Variants in C2CD3 observed in about 807,000 individuals in gnomAD.
C2CD3 encodes the protein C2 domain-containing protein 3.
A neutral mutation model predicts 234.0 loss-of-function variants in C2CD3; 148 were observed. The ratio of observed to expected loss-of-function variants is 0.63; its 90% confidence interval spans 0.55 to 0.72. The LOEUF is 0.72. Among genes scored for constraint, C2CD3 ranks in the 30% least tolerant of loss-of-function variants. C2CD3 has a pLI of 0.00. For synonymous variants in C2CD3, 1,000 were observed against 1,035.4 expected (o/e 0.97, Z 0.66); for missense variants, 2,577 against 2,811.5 (o/e 0.92, Z 1.89).
Position 74,074,616 on chromosome 11 carries a change from G to A in C2CD3, c.4604-16C>T. 6.3e-7 allele frequency: 1 copy of A among 1,588,406 alleles called. No homozygotes were observed. The highest frequency in any genetic ancestry group is 8.6e-7 in the Non-Finnish European group (1 of 1,164,596). On this transcript the variant is annotated splice_polypyrimidine_tract_variant and intron_variant, in intron 23 of 32. Transcript: ENST00000334126. ...GGATACACACCTAAAAGAAGATGGA[G>A]AAGAATAAGGCTAGTCAAGCAGGAA...
chr11:74,042,837 G>A (rs564906586), intron 28 of C2CD3, among the ~76,000 whole-genome samples: 69 of 151,986 alleles, frequency 4.5e-4, no homozygotes, highest in Non-Finnish European at 7.4e-4. Context: ...TATATTTGGC[G>A]TCCTTATTAT....
intron 3 of C2CD3, among the ~76,000 whole-genome samples, chr11:74,143,342 T>A (rs1854935516): frequency 6.6e-6 from 1 of 152,006 alleles, no homozygotes; most frequent in Non-Finnish European, 1.5e-5. Context: ...AGTCAACTAT[T>A]TAACAATGCT....
chr11:74,103,351 G>C lies in C2CD3; in HGVS notation c.2360C>G (p.Ser787Cys), dbSNP rs145859522. The change falls in exon 14 of 33, where the codon TCC becomes TGC. Residue 787 changes from serine to cysteine, a missense_variant. Coordinates refer to ENST00000334126, the MANE Select transcript of C2CD3 (RefSeq NM_001286577.2). ...HPSTFVATPA[S>C]HNLVNQTNGT... is the part of the protein sequence containing the mutation. The stretch of plus-strand genomic sequence containing the variant: ...ATTTGTCTGATTGACTAAATTATGG[G>C]AGGCTGGCGTAGCTACGAAGGTTGA... 8.1e-6 allele frequency: 13 copies of C among 1,614,092 alleles called. No individual in the cohort carries two copies. Among genetic ancestry groups the C allele is most frequent in the Non-Finnish European group, 9.3e-6 (11 of 1,180,054 alleles).
At chr11:74,047,836 T>C (rs1181447732) in intron 28 of C2CD3, among the ~76,000 whole-genome samples, 3 of 152,224 alleles carry the variant, frequency 2.0e-5, no homozygotes, top group Non-Finnish European at 4.4e-5. Flanking sequence ...GCTGGCTTGG[T>C]GAAAAGGATG....
At chr11:74,040,320 C>A (rs894632007) in intron 29 of C2CD3, among the ~76,000 whole-genome samples, 6 of 152,178 alleles carry the variant, frequency 3.9e-5, no homozygotes, top group African/African-American at 1.4e-4. Flanking sequence ...TGGTCTTCCA[C>A]AAAACCAGTG....
chr11:74,122,781 T>A (rs1401510183), intron 8 of C2CD3, among the ~76,000 whole-genome samples: 1 of 152,228 alleles, frequency 6.6e-6, no homozygotes, highest in East Asian at 1.9e-4. Flanking sequence ...CTAATACTTA[T>A]TTGCTATATG....
intron 3 of C2CD3, among the ~76,000 whole-genome samples, chr11:74,146,421 A>G (rs1051283805): frequency 3.9e-5 from 6 of 152,200 alleles, no homozygotes; most frequent in African/African-American, 1.4e-4. Context: ...ATAACTTTCC[A>G]AGAGTTGTAT....
At position 74,078,262 on chromosome 11, in the gene C2CD3, T is replaced by C; in HGVS notation, c.4456A>G (p.Arg1486Gly). 1.2e-6 allele frequency: 2 copies of C among 1,614,202 alleles called. No individual in the cohort carries two copies. The highest frequency in any genetic ancestry group is 1.7e-6 in the Non-Finnish European group (2 of 1,180,030). Residue 1486 changes from arginine to glycine, a missense_variant, in exon 23 of 33, where the codon AGG (arginine) becomes GGG (glycine). Transcript: ENST00000334126. ...TRGPSLLWYFREERLEIQVWR... is the reference protein window; with the variant it reads ...TRGPSLLWYFGEERLEIQVWR... ...ACTTGGATCTCTAGCCTCTCCTCCC[T>C]GAAGTACCAAAGCAGTGATGGGCCC...
At chr11:74,042,416 C>G (rs1437067566) in intron 28 of C2CD3, among the ~76,000 whole-genome samples, 198 bp from the exon 29 acceptor site, 1 of 151,984 alleles carries the variant, frequency 6.6e-6, no homozygotes, top group Non-Finnish European at 1.5e-5. Flanking sequence ...CTTGCCTACC[C>G]CCTTTTAACT....
chr11:74,059,634 G>T (rs1387374962), intron 24 of C2CD3, among the ~76,000 whole-genome samples: 1 of 152,112 alleles, frequency 6.6e-6, no homozygotes, highest in Non-Finnish European at 1.5e-5. Context: ...TCCACATGCA[G>T]TTTAACATTT....
At chr11:74,124,683 G>A (rs1957345768) in intron 7 of C2CD3, among the ~76,000 whole-genome samples, 1 of 152,166 alleles carries the variant, frequency 6.6e-6, no homozygotes, top group African/African-American at 2.4e-5. Flanking sequence ...TGGCCTCTCT[G>A]CAGCTTCTGC....
intron 24 of C2CD3, among the ~76,000 whole-genome samples, chr11:74,065,734 TA>T (rs35917503): frequency 0.046 from 6,960 of 151,598 alleles, 463 homozygotes; most frequent in African/African-American, 0.15. Context: ...TATGCAGCCA[TA>T]AAAAAGGATG....
intron 2 of C2CD3, 36 bp from the exon 3 acceptor site, chr11:74,161,592 T>C (rs780993068): frequency 3.2e-5 from 47 of 1,461,604 alleles, no homozygotes; most frequent in Non-Finnish European, 3.5e-5. Context: ...ATATTTTTCA[T>C]TTACTTTTAT....
At chr11:74,153,721 T>C (rs562135116) in intron 3 of C2CD3, among the ~76,000 whole-genome samples, 11 of 152,266 alleles carry the variant, frequency 7.2e-5, no homozygotes, top group African/African-American at 2.6e-4. Flanking sequence ...TGTGAAGAAC[T>C]TAAAATGGAC....
intron 22 of C2CD3, 52 bp downstream of exon 22, chr11:74,084,829 G>A (rs1955567623): frequency 9.6e-7 from 1 of 1,040,202 alleles, no homozygotes; most frequent in African/African-American, 1.6e-5. Context: ...CCTCTTGTAG[G>A]GAAGTGAAAG....
chr11:74,070,231 A>G (rs1222673727), intron 24 of C2CD3, among the ~76,000 whole-genome samples: 2 of 152,254 alleles, frequency 1.3e-5, no homozygotes, highest in Non-Finnish European at 2.9e-5. Flanking sequence ...TTTTTCTAAC[A>G]TAAGTATCCA....
At chr11:74,035,312 T>C (rs1003448063) in intron 30 of C2CD3, among the ~76,000 whole-genome samples, 1 of 152,258 alleles carries the variant, frequency 6.6e-6, no homozygotes, top group Non-Finnish European at 1.5e-5. Flanking sequence ...TCCTTTGGCC[T>C]GAACATGCTT....
intron 19 of C2CD3, 40 bp from the exon 20 acceptor site, chr11:74,090,976 G>C (rs1955870238): frequency 6.2e-7 from 1 of 1,607,986 alleles, no homozygotes; most frequent in South Asian, 1.1e-5. Context: ...TTGGTCAGAA[G>C]AATCTCTGTT....
In C2CD3 at chr11:74,133,510, C is replaced by T; in HGVS notation, c.1003G>A (p.Ala335Thr). The change falls in exon 6 of 33, where the codon GCA (alanine) becomes ACA (threonine). Residue 335 changes from alanine to threonine, a missense_variant. Physicochemically the swap from Ala to Thr is moderately conservative, Grantham distance 58. Coordinates refer to ENST00000334126, the MANE Select transcript of C2CD3 (RefSeq NM_001286577.2). ...NKLRNAMVIS[A>T]MKSSPETSML... is the part of the protein sequence containing the mutation. The stretch of plus-strand genomic sequence containing the variant: ...CTGGTCTCTGGGCTTGATTTCATTG[C>T]AGAAATCACCATGGCATTACGCAGT... The T allele has an allele frequency of 1.9e-6, 3 of 1,613,186 alleles. No individual in the cohort carries two copies. The highest frequency in any genetic ancestry group is 1.7e-6 in the Non-Finnish European group (2 of 1,179,162).
Sources: allele counts gnomAD v4.1 joint callset (sites outside exome capture counted in the v4.1 genomes callset), GRCh38; gene constraint gnomAD v4.1.1; transcripts MANE v1.5; gene names NCBI Gene and HGNC (gene_info 2026-07-23, HGNC 2026-07-21).